The following NFIB variants were observed in gnomAD, a reference collection of about 807,000 sequenced individuals.
The protein encoded by NFIB is nuclear factor I B, also known as nuclear factor 1 B-type.
NFIB carries 11 observed loss-of-function variants against 61.5 expected under a neutral mutation model. The ratio of observed to expected loss-of-function variants is 0.18; its 90% CI spans 0.11 to 0.30. The LOEUF (loss-of-function observed/expected upper bound fraction) is 0.30. Among genes scored for constraint, NFIB ranks in the 10% least tolerant of loss-of-function variants. NFIB has a pLI of 1.00. For missense variants in NFIB, 471 were observed against 608.9 expected, an observed-to-expected ratio of 0.77 and a Z score of 2.38; for synonymous variants, 260 against 216.5, an observed-to-expected ratio of 1.20 and a Z score of -1.76.
At chr9:14,414,961 C>A in the NFIB span, among the ~76,000 whole-genome samples, 1 of 152,290 alleles carries the variant, frequency 6.6e-6, no homozygotes, top group Non-Finnish European at 1.5e-5. Flanking sequence ...AACCACCACA[C>A]ATTTAACAGC....
chr9:14,294,676 A>C (rs550027377), intron 2 of NFIB, among the ~76,000 whole-genome samples: 1 of 152,182 alleles, frequency 6.6e-6, no homozygotes, highest in East Asian at 1.9e-4. Context: ...CTTTCCGTAC[A>C]CCCTAGTTAC....
At chr9:14,443,254 A>G in the NFIB span, among the ~76,000 whole-genome samples, 1 of 152,026 alleles carries the variant, frequency 6.6e-6, no homozygotes, top group Admixed American at 6.6e-5. Context: ...GGCAGTCTCC[A>G]TGCTACCCAC....
chr9:14,095,031 T>C (rs2034560805), intron 10 of NFIB, among the ~76,000 whole-genome samples: 1 of 152,134 alleles, frequency 6.6e-6, no homozygotes, highest in Non-Finnish European at 1.5e-5. Context: ...AGCCACTCCA[T>C]ATGGGAGCAC....
chr9:14,410,757 A>C, the NFIB span, among the ~76,000 whole-genome samples: 1 of 152,290 alleles, frequency 6.6e-6, no homozygotes, highest in South Asian at 2.1e-4. Context: ...TTTCCTAAAC[A>C]TGAGGTCTCT....
the NFIB span, among the ~76,000 whole-genome samples, chr9:14,465,739 T>G: frequency 0.018 from 2,714 of 152,158 alleles, 68 homozygotes; most frequent in African/African-American, 0.061. Flanking sequence ...TGGGGAGACA[T>G]GTCCTTCTGC....
chr9:14,512,910 G>T, the NFIB span, among the ~76,000 whole-genome samples: 2 of 113,602 alleles, frequency 1.8e-5, no homozygotes, highest in South Asian at 3.0e-4. Context: ...TTTTTCCATA[G>T]AATCAAATGT....
At chr9:14,370,157 C>G (rs538546891) in intron 1 of NFIB, among the ~76,000 whole-genome samples, 1 of 152,216 alleles carries the variant, frequency 6.6e-6, no homozygotes, top group Non-Finnish European at 1.5e-5. Flanking sequence ...TCCTTACTGG[C>G]TCATTCCTGA....
intron 1 of NFIB, among the ~76,000 whole-genome samples, chr9:14,394,296 C>G (rs2133039791): frequency 6.6e-6 from 1 of 152,186 alleles, no homozygotes; most frequent in East Asian, 1.9e-4. Context: ...ATTCTTGAGC[C>G]AAAACAAACA....
intron 2 of NFIB, among the ~76,000 whole-genome samples, chr9:14,227,806 C>A (rs1342029272): frequency 6.6e-6 from 1 of 152,082 alleles, no homozygotes; most frequent in Non-Finnish European, 1.5e-5. Flanking sequence ...AATAACGTGC[C>A]CAAGTTAATA....
the NFIB span, among the ~76,000 whole-genome samples, chr9:14,472,734 G>A: frequency 5.3e-5 from 8 of 151,994 alleles, no homozygotes; most frequent in South Asian, 2.1e-4. Flanking sequence ...CCAGCTACTC[G>A]GGAGGCTGAG....
chr9:14,273,504 GTC>G (rs151103871), intron 2 of NFIB, among the ~76,000 whole-genome samples: 2,525 of 152,130 alleles, frequency 0.017, 91 homozygotes, highest in African/African-American at 0.057. Flanking sequence ...GCAGATTTCT[GTC>G]TCTGTTTCCC....
intron 6 of NFIB, among the ~76,000 whole-genome samples, chr9:14,133,241 G>A (rs957903415): frequency 2.6e-5 from 4 of 151,984 alleles, no homozygotes; most frequent in African/African-American, 7.3e-5. Flanking sequence ...CCTCTTCAGA[G>A]ACCAAATTCA....
In NFIB at chr9:14,088,055, G is replaced by T; in HGVS notation, c.*254C>A. On this transcript the variant is annotated 3_prime_UTR_variant, in exon 11 of 11. Transcript: ENST00000380953. ...ACCTTAAGGGAATTAGTGATTGTAA[G>T]TGCTGCAATTGCTGGTCTATTATCT... is the stretch of plus-strand genomic sequence containing the variant. 1.5e-6 allele frequency: 1 copy of T among 675,222 alleles called. No homozygotes were observed. Among genetic ancestry groups the T allele is most frequent in the Non-Finnish European group, 2.2e-6 (1 of 465,038 alleles). 41.8% of individuals were successfully genotyped at this position (675,222 alleles called of 1,614,324 possible). A position where few individuals can be genotyped will look rare whatever the true frequency, so the allele number is the denominator to read the frequency against.
intron 3 of NFIB, among the ~76,000 whole-genome samples, chr9:14,178,959 T>C (rs1289389572): frequency 6.6e-6 from 1 of 152,174 alleles, no homozygotes; most frequent in Non-Finnish European, 1.5e-5. Context: ...TTTTTGTGTT[T>C]GGTTTTGTTT....
intron 6 of NFIB, among the ~76,000 whole-genome samples, chr9:14,140,865 G>A (rs1290590707): frequency 6.6e-6 from 1 of 152,112 alleles, no homozygotes; most frequent in Non-Finnish European, 1.5e-5. Context: ...ACCTGGGGGG[G>A]TCAGGGCTAC....
the NFIB span, among the ~76,000 whole-genome samples, chr9:14,458,315 T>A: frequency 1.3e-5 from 2 of 152,246 alleles, no homozygotes; most frequent in South Asian, 2.1e-4. Context: ...AAAATTCAAC[T>A]GCCCTTCATG....
At position 14,086,171 on chromosome 9, in the gene NFIB, G is replaced by A. The variant is rs2032835175; in HGVS notation, c.*2138C>T. 1 of 223,254 alleles carries A rather than the reference G, an allele frequency of 4.5e-6. No individual in the cohort carries two copies. The highest frequency in any genetic ancestry group is 9.0e-6 in the Non-Finnish European group (1 of 111,436). The allele number at this position is 223,254 out of a possible 1,614,324, so 13.8% of individuals were successfully genotyped here. A position where few individuals can be genotyped will look rare whatever the true frequency, so the allele number is the denominator to read the frequency against. Reference sequence around the variant, plus strand: ...TCACAGTAGGCAGAACAGTCGCTTTGCAGCCCAGGCCCATCTCAGGGTGCA... The same window carrying A: ...TCACAGTAGGCAGAACAGTCGCTTTACAGCCCAGGCCCATCTCAGGGTGCA... On this transcript the variant is annotated 3_prime_UTR_variant, in exon 11 of 11. Transcript: ENST00000380953.
At chr9:14,329,933 C>T (rs1488403089) in intron 1 of NFIB, among the ~76,000 whole-genome samples, 2 of 151,852 alleles carry the variant, frequency 1.3e-5, no homozygotes. Context: ...ACCATCCTGG[C>T]TAATACGGTG....
chr9:14,322,185 A>T (rs1466441944), intron 1 of NFIB: 14 of 1,126,992 alleles, frequency 1.2e-5, no homozygotes, highest in Admixed American at 4.3e-5. Context: ...AAAGGCGGTC[A>T]AAGTCAAGTC....
Sources: gnomAD v4.1 joint callset for allele counts (sites outside exome capture counted in the v4.1 genomes callset) on GRCh38, gnomAD v4.1.1 for gene constraint, MANE v1.5 for transcripts, NCBI Gene and HGNC (gene_info 2026-07-23, HGNC 2026-07-21) for gene names.